NELL1: variants seen among roughly 807,000 people sequenced by gnomAD.
NELL1 encodes protein kinase C-binding protein NELL1.
A neutral mutation model predicts 107.4 loss-of-function variants in NELL1; 76 were observed. The ratio of observed to expected loss-of-function variants is 0.71; its 90% CI spans 0.59 to 0.86. NELL1 has a LOEUF of 0.86. Among genes scored for constraint, NELL1 ranks in the 40% least tolerant of loss-of-function variants. NELL1 has a pLI of 0.00. For missense variants in NELL1, 1,024 were observed against 1,005.5 expected (o/e 1.02, Z -0.25); for synonymous variants, 353 against 341.2 (o/e 1.03, Z -0.38).
intron 12 of NELL1, among the ~76,000 whole-genome samples, chr11:21,073,838 T>C (rs1293270618): frequency 6.6e-6 from 1 of 152,174 alleles, no homozygotes; most frequent in Non-Finnish European, 1.5e-5. Context: ...GTGCTATAAA[T>C]AGAAAATGAA....
chr11:21,358,588 T>TG (rs71034508), intron 14 of NELL1, among the ~76,000 whole-genome samples: 2 of 141,020 alleles, frequency 1.4e-5, no homozygotes, highest in East Asian at 2.0e-4. Flanking sequence ...TTTTTTTTTT[T>TG]GGATTTTTAG....
chr11:20,912,709 G>A (rs1327696131), intron 5 of NELL1, among the ~76,000 whole-genome samples: 1 of 152,062 alleles, frequency 6.6e-6, no homozygotes, highest in Admixed American at 6.6e-5. Flanking sequence ...TCCTCTAACA[G>A]CTGAGGTGTC....
At chr11:21,275,192 A>G (rs1443620045) in intron 14 of NELL1, among the ~76,000 whole-genome samples, 1 of 152,196 alleles carries the variant, frequency 6.6e-6, no homozygotes, top group Non-Finnish European at 1.5e-5. Flanking sequence ...AATCAAATAG[A>G]CGCAATAAAA....
intron 13 of NELL1, among the ~76,000 whole-genome samples, chr11:21,157,675 G>C (rs1269590166): frequency 6.6e-6 from 1 of 152,118 alleles, no homozygotes; most frequent in Non-Finnish European, 1.5e-5. Flanking sequence ...TCTTTGAGAA[G>C]CAATATGACA....
intron 2 of NELL1, among the ~76,000 whole-genome samples, chr11:20,755,422 A>G (rs1856238162): frequency 6.6e-6 from 1 of 152,192 alleles, no homozygotes; most frequent in East Asian, 1.9e-4. Flanking sequence ...CAAAACTGAA[A>G]GGATGGAATT....
intron 13 of NELL1, among the ~76,000 whole-genome samples, chr11:21,199,842 C>T (rs1026288239): frequency 5.3e-5 from 8 of 151,208 alleles, no homozygotes; most frequent in South Asian, 2.1e-4. Flanking sequence ...TTCCCTTCCC[C>T]GTGTCCATGT....
intron 11 of NELL1, among the ~76,000 whole-genome samples, chr11:20,952,703 G>C (rs1851092939): frequency 6.6e-6 from 1 of 152,170 alleles, no homozygotes; most frequent in South Asian, 2.1e-4. Flanking sequence ...TGGGAACAGA[G>C]GATAGTCTTA....
At chr11:20,993,452 G>A (rs1007921030) in intron 12 of NELL1, among the ~76,000 whole-genome samples, 4 of 152,074 alleles carry the variant, frequency 2.6e-5, no homozygotes, top group African/African-American at 7.2e-5. Context: ...AGACATGATG[G>A]CCATGGAGTG....
chr11:21,275,498 T>C (rs1399859326), intron 14 of NELL1, among the ~76,000 whole-genome samples: 1 of 152,214 alleles, frequency 6.6e-6, no homozygotes, highest in Non-Finnish European at 1.5e-5. Flanking sequence ...CCATTCCTTC[T>C]GAAACTGTTC....
intron 12 of NELL1, among the ~76,000 whole-genome samples, chr11:21,074,493 A>G (rs1353130891): frequency 6.6e-6 from 1 of 152,182 alleles, no homozygotes; most frequent in African/African-American, 2.4e-5. Flanking sequence ...TCTACATTTC[A>G]AAGAGTTTCA....
At chr11:21,425,784 A>G (rs2187521) in intron 15 of NELL1, among the ~76,000 whole-genome samples, 80,605 of 152,026 alleles carry the variant, frequency 0.53, 23,616 homozygotes, top group African/African-American at 0.78. Flanking sequence ...ATTTTTGAGG[A>G]ACGTTATTTA....
intron 15 of NELL1, among the ~76,000 whole-genome samples, chr11:21,428,901 A>T (rs150267007): frequency 6.6e-6 from 1 of 152,324 alleles, no homozygotes; most frequent in East Asian, 1.9e-4. Flanking sequence ...TGGATAATCT[A>T]AGAATTATCA....
At chr11:21,500,268 A>G (rs1855101008) in intron 15 of NELL1, among the ~76,000 whole-genome samples, 1 of 152,098 alleles carries the variant, frequency 6.6e-6, no homozygotes, top group Admixed American at 6.6e-5. Context: ...TCATAGAATT[A>G]GGAATTTCAT....
intron 12 of NELL1, among the ~76,000 whole-genome samples, chr11:20,970,052 T>TGTCCGTCC (rs749864089): frequency 0.15 from 20,666 of 137,714 alleles, 1,620 homozygotes; most frequent in East Asian, 0.25. Context: ...TCTATCTCTC[T>TGTCCGTCC]GTCCATCCAT....
intron 14 of NELL1, among the ~76,000 whole-genome samples, chr11:21,370,334 A>G (rs1328407515): frequency 1.3e-5 from 2 of 152,072 alleles, no homozygotes; most frequent in Non-Finnish European, 2.9e-5. Flanking sequence ...TTACCAAAAT[A>G]TTGGAAACAG....
At chr11:21,573,557 T>G in intron 19 of NELL1, 148 bp downstream of exon 19, 1 of 704,182 alleles carries the variant, frequency 1.4e-6, no homozygotes, top group South Asian at 1.8e-5. Flanking sequence ...GAATTTAATA[T>G]GTATGAATAT....
At chr11:20,994,075 G>A (rs940489116) in intron 12 of NELL1, among the ~76,000 whole-genome samples, 6 of 152,058 alleles carry the variant, frequency 3.9e-5, no homozygotes, top group African/African-American at 1.4e-4. Flanking sequence ...AGCTAATTAG[G>A]ACAACTTTTA....
intron 12 of NELL1, among the ~76,000 whole-genome samples, chr11:21,053,838 G>A (rs1270397934): frequency 6.6e-6 from 1 of 152,056 alleles, no homozygotes; most frequent in Non-Finnish European, 1.5e-5. Context: ...CAGGCTGCAG[G>A]GTGCCTTTCT....
At chr11:21,256,907 A>G (rs188436297) in intron 14 of NELL1, among the ~76,000 whole-genome samples, 2 of 152,156 alleles carry the variant, frequency 1.3e-5, no homozygotes, top group African/African-American at 4.8e-5. Context: ...ACTTCATTCA[A>G]GTGAAGTGGG....
Sources: gnomAD v4.1 joint callset for allele counts (sites outside exome capture counted in the v4.1 genomes callset) on GRCh38, gnomAD v4.1.1 for gene constraint, MANE v1.5 for transcripts, NCBI Gene and HGNC (gene_info 2026-07-23, HGNC 2026-07-21) for gene names.